CNBD1: variants seen among roughly 807,000 people sequenced by gnomAD.
The protein encoded by CNBD1 is cyclic nucleotide-binding domain-containing protein 1.
CNBD1 carries 71 observed loss-of-function variants against 54.4 expected under a neutral mutation model. That is an observed-to-expected ratio of 1.30 (90% CI 1.08 to 1.59). CNBD1 has a LOEUF of 1.59. CNBD1 is among the 40% of genes most tolerant of loss of function. The probability of loss-of-function intolerance (pLI) is 0.00; values close to 1 mark genes in which losing one functional copy is unlikely to be tolerated. For missense variants in CNBD1, 659 were observed against 518.0 expected (o/e 1.27, Z -2.64); for synonymous variants, 182 against 170.7 (o/e 1.07, Z -0.51).
intron 2 of CNBD1, among the ~76,000 whole-genome samples, chr8:87,391,084 C>A (rs1286627619): frequency 6.6e-6 from 1 of 151,088 alleles, no homozygotes; most frequent in Non-Finnish European, 1.5e-5. Context: ...CACACCGGGG[C>A]CTGTTGTGGG....
At chr8:87,115,626 G>A (rs974813255) in intron 4 of CNBD1, among the ~76,000 whole-genome samples, 1 of 152,110 alleles carries the variant, frequency 6.6e-6, no homozygotes, top group Admixed American at 6.5e-5. Context: ...TTATGACATG[G>A]GAAATAGTTC....
At chr8:87,243,875 T>C (rs1317340880) in intron 6 of CNBD1, among the ~76,000 whole-genome samples, 1 of 152,104 alleles carries the variant, frequency 6.6e-6, no homozygotes, top group Non-Finnish European at 1.5e-5. Context: ...ACACAGAATG[T>C]GATTTGCTGT....
At chr8:87,118,882 C>T (rs546466070) in intron 4 of CNBD1, among the ~76,000 whole-genome samples, 99 of 152,220 alleles carry the variant, frequency 6.5e-4, no homozygotes, top group Non-Finnish European at 1.0e-3. Flanking sequence ...TTATTTTCAT[C>T]GAAATTCTTT....
intron 6 of CNBD1, among the ~76,000 whole-genome samples, chr8:87,261,467 A>G (rs1808138688): frequency 6.6e-6 from 1 of 151,562 alleles, no homozygotes; most frequent in Non-Finnish European, 1.5e-5. Context: ...CAGCCCCAGA[A>G]TCACAGTGGA....
intron 10 of CNBD1, among the ~76,000 whole-genome samples, chr8:87,362,475 A>T (rs1810542089): frequency 6.6e-6 from 1 of 152,044 alleles, no homozygotes; most frequent in African/African-American, 2.4e-5. Context: ...GAGTTTAGAA[A>T]AGTTTGTTGG....
intron 10 of CNBD1, among the ~76,000 whole-genome samples, chr8:87,356,133 C>T (rs565025879): frequency 1.1e-4 from 17 of 152,216 alleles, no homozygotes; most frequent in East Asian, 9.7e-4. Context: ...GCCAAATAAA[C>T]TTCTTTTCTT....
chr8:87,277,703 ATTATTGGTTGGGGCCATTTAGTCT>A (rs1808512685), intron 6 of CNBD1, among the ~76,000 whole-genome samples: 1 of 151,632 alleles, frequency 6.6e-6, no homozygotes, highest in Non-Finnish European at 1.5e-5. Flanking sequence ...AAATACCTCA[ATTATTGGTTGGGGCCATTTAGTCT>A]GCTCCTATAC....
chr8:87,421,476 C>G (rs1189316980), intron 2 of CNBD1, among the ~76,000 whole-genome samples: 1 of 139,564 alleles, frequency 7.2e-6, no homozygotes, highest in Non-Finnish European at 1.5e-5. Context: ...CTTCCTGTGT[C>G]CATGTGATCT....
chr8:87,359,210 T>A (rs1277455863), intron 10 of CNBD1, among the ~76,000 whole-genome samples: 3 of 151,096 alleles, frequency 2.0e-5, no homozygotes, highest in African/African-American at 7.4e-5. Flanking sequence ...GTAATGTTTG[T>A]GTGTGTACAA....
chr8:87,001,570 A>G (rs990640477), intron 4 of CNBD1, among the ~76,000 whole-genome samples: 3 of 152,172 alleles, frequency 2.0e-5, no homozygotes, highest in African/African-American at 7.2e-5. Flanking sequence ...GCTAAAGTTG[A>G]ATGAGCTAAA....
At chr8:87,213,714 A>G (rs1814150246) in intron 5 of CNBD1, among the ~76,000 whole-genome samples, 1 of 152,050 alleles carries the variant, frequency 6.6e-6, no homozygotes, top group Non-Finnish European at 1.5e-5. Context: ...CCCCTCCCAA[A>G]TCTCATGTCC....
intron 2 of CNBD1, among the ~76,000 whole-genome samples, chr8:87,394,460 C>G (rs943300733): frequency 6.6e-6 from 1 of 151,832 alleles, no homozygotes; most frequent in Non-Finnish European, 1.5e-5. Flanking sequence ...TTTGCATTCT[C>G]CCCTTATTCT....
chr8:86,887,679 A>C (rs949283076), intron 2 of CNBD1, 68 bp downstream of exon 2: 4 of 1,134,858 alleles, frequency 3.5e-6, no homozygotes, highest in Non-Finnish European at 5.1e-6. Context: ...TTAGGGATAA[A>C]GTATAGTAAT....
At chr8:87,045,559 A>G (rs1810164137) in intron 4 of CNBD1, among the ~76,000 whole-genome samples, 1 of 151,772 alleles carries the variant, frequency 6.6e-6, no homozygotes. Context: ...CCCCGTCTCT[A>G]CTAAAAATAC....
intron 4 of CNBD1, among the ~76,000 whole-genome samples, chr8:87,183,092 G>T (rs1813391344): frequency 6.6e-6 from 1 of 152,248 alleles, no homozygotes; most frequent in Admixed American, 6.5e-5. Flanking sequence ...TGAAAGGGCA[G>T]GGTCCAGTTT....
intron 3 of CNBD1, 112 bp downstream of exon 3, chr8:86,905,306 T>C: frequency 1.6e-6 from 1 of 634,706 alleles, no homozygotes; most frequent in Non-Finnish European, 2.8e-6. Flanking sequence ...GTCAAATATT[T>C]AGTGTGGAGG....
chr8:87,240,931 T>A (rs1807684928), intron 6 of CNBD1, among the ~76,000 whole-genome samples: 1 of 152,110 alleles, frequency 6.6e-6, no homozygotes. Flanking sequence ...TCTCCAGGGT[T>A]GTTCCCTTTT....
At chr8:87,018,805 G>GT (rs1270453873) in intron 4 of CNBD1, among the ~76,000 whole-genome samples, 2 of 152,100 alleles carry the variant, frequency 1.3e-5, no homozygotes, top group Non-Finnish European at 2.9e-5. Context: ...AGGTAGGCAC[G>GT]TAAGATTGTA....
At chr8:86,935,862 G>A (rs528893378) in intron 3 of CNBD1, among the ~76,000 whole-genome samples, 35 of 150,350 alleles carry the variant, frequency 2.3e-4, no homozygotes, top group African/African-American at 8.3e-4. Context: ...ATGCATTTGG[G>A]GCTGAGCATA....
Sources: gnomAD v4.1 joint callset for allele counts (sites outside exome capture counted in the v4.1 genomes callset) on GRCh38, gnomAD v4.1.1 for gene constraint, MANE v1.5 for transcripts, NCBI Gene and HGNC (gene_info 2026-07-23, HGNC 2026-07-21) for gene names.